The following PTPRS variants were observed in gnomAD, a reference collection of about 807,000 sequenced individuals.
The protein encoded by PTPRS is receptor-type tyrosine-protein phosphatase S.
PTPRS carries 63 observed loss-of-function variants against 215.3 expected under a neutral mutation model. That is an observed-to-expected ratio of 0.29 (90% CI 0.24 to 0.36). The LOEUF (loss-of-function observed/expected upper bound fraction) is 0.36. Ranked by LOEUF, PTPRS falls within the 10% of genes least tolerant of loss-of-function variation. The pLI is 1.00. For missense variants in PTPRS, 2,258 were observed against 2,825.8 expected (o/e 0.80, Z 4.56); for synonymous variants, 1,404 against 1,191.4 (o/e 1.18, Z -3.68).
chr19:5,226,076 TCTCTGCTCCGCTCCC>T (rs1191361214), intron 16 of PTPRS, among the ~76,000 whole-genome samples: 1 of 152,156 alleles, frequency 6.6e-6, no homozygotes, highest in Non-Finnish European at 1.5e-5. Flanking sequence ...AACTCGGTCC[TCTCTGCTCCGCTCCC>T]CTCACTCCTT....
At chr19:5,284,962 A>G (rs2048216104) in intron 2 of PTPRS, among the ~76,000 whole-genome samples, 1 of 152,114 alleles carries the variant, frequency 6.6e-6, no homozygotes, top group African/African-American at 2.4e-5. Flanking sequence ...GGAAAAAACG[A>G]CAATAAAAAA....
At chr19:5,240,397 T>C (rs1188311400) in intron 11 of PTPRS, 65 bp from the exon 12 acceptor site, 1 of 1,446,522 alleles carries the variant, frequency 6.9e-7, no homozygotes, top group East Asian at 2.6e-5. Context: ...GGGCCCCACC[T>C]GCTGAGTGTC....
chr19:5,298,557 G>C (rs1286712415), intron 1 of PTPRS, among the ~76,000 whole-genome samples: 2 of 152,206 alleles, frequency 1.3e-5, no homozygotes, highest in Non-Finnish European at 2.9e-5. Flanking sequence ...CCATGCCCAA[G>C]GCTCCCGCCT....
rs2048964913 is a variant in PTPRS, at chr19:5,293,020, G to A, written c.-94-6786C>T. 6.6e-6 allele frequency: 1 copy of A among 152,226 alleles called. No individual in the cohort carries two copies. Among genetic ancestry groups the A allele is most frequent in the Non-Finnish European group, 1.5e-5 (1 of 68,090 alleles). 9.4% of individuals were successfully genotyped at this position (152,226 alleles called of 1,614,324 possible). A position where few individuals can be genotyped will look rare whatever the true frequency, so the allele number is the denominator to read the frequency against. On this transcript the variant is annotated intron_variant, in intron 1 of 37. Coordinates refer to ENST00000262963, the MANE Select transcript of PTPRS (RefSeq NM_002850.4). The surrounding 1 kb of genome is among the most constrained non-coding windows in gnomAD (Gnocchi z 8.4). ...GAGGGCGGCCGGCACGGTCAGGCCC[G>A]CGCTGGGCTGTGGGGACCCCCGTGG...
At chr19:5,271,590 G>A (rs532101959) in intron 4 of PTPRS, among the ~76,000 whole-genome samples, 63 of 152,094 alleles carry the variant, frequency 4.1e-4, no homozygotes, top group Middle Eastern at 6.8e-3. Context: ...AGTACAGACA[G>A]GGTTTCACCA....
At chr19:5,231,289 G>A (rs749276450) in intron 14 of PTPRS, 21 bp downstream of exon 14, 24 of 1,581,094 alleles carry the variant, frequency 1.5e-5, no homozygotes, top group African/African-American at 8.0e-5. Flanking sequence ...GGGGGGTCCC[G>A]GGCCTGGGGC....
At chr19:5,212,699 T>G (rs1022232336) in intron 30 of PTPRS, among the ~76,000 whole-genome samples, 1 of 152,054 alleles carries the variant, frequency 6.6e-6, no homozygotes, top group African/African-American at 2.4e-5. Context: ...CAAAATTAGC[T>G]AGGCATGGTG....
intron 2 of PTPRS, among the ~76,000 whole-genome samples, chr19:5,281,525 G>A (rs1344140493): frequency 6.6e-6 from 1 of 152,080 alleles, no homozygotes; most frequent in Non-Finnish European, 1.5e-5. Context: ...ATTTGAACCC[G>A]GGTTTCTGCC....
At chr19:5,333,420 T>C (rs967098974) in intron 1 of PTPRS, among the ~76,000 whole-genome samples, 4 of 151,598 alleles carry the variant, frequency 2.6e-5, no homozygotes, top group Admixed American at 6.6e-5. Context: ...GGTGGGAGGA[T>C]TGCTTGAGCC....
At chr19:5,260,540 C>T (rs2045906038) in intron 7 of PTPRS, among the ~76,000 whole-genome samples, 1 of 152,178 alleles carries the variant, frequency 6.6e-6, no homozygotes, top group African/African-American at 2.4e-5. Flanking sequence ...GGGGGTCTTG[C>T]CAGGTAGGGT....
In PTPRS at chr19:5,286,150, C is replaced by A. The variant is rs768557395; in HGVS notation, c.-10G>T. 1.2e-6 allele frequency: 2 copies of A among 1,613,116 alleles called. No individual in the cohort carries two copies. The highest frequency in any genetic ancestry group is 4.5e-5 in the East Asian group (2 of 44,832). ...CCCAGGTGGGCGCCATGCTTGGCAG[C>A]GACCTCCGATCTCCGCCCTGGAGGG... On this transcript the variant is annotated 5_prime_UTR_variant, in exon 2 of 38. Coordinates refer to ENST00000262963, the MANE Select transcript of PTPRS (RefSeq NM_002850.4).
chr19:5,305,392 C>G (rs1266771423), intron 1 of PTPRS, among the ~76,000 whole-genome samples: 1 of 151,888 alleles, frequency 6.6e-6, no homozygotes, highest in Non-Finnish European at 1.5e-5. Context: ...CAAAAAAATA[C>G]AAAAATTAGC....
rs1314426063 is a variant in PTPRS, at chr19:5,222,696, C to T, written c.3096G>A (p.Arg1032=). The T allele has an allele frequency of 1.9e-6, 3 of 1,585,692 alleles. No homozygotes were observed. The highest frequency in any genetic ancestry group is 2.6e-6 in the Non-Finnish European group (3 of 1,172,256). ...GGGTCGCCGCGCGCCTACCTTGGTC[C>T]CGCAGGAACGTCCGGTAGCGGACGG... ...SPPVRYRTFL[R]DQVSPKNFKV... Residue 1032 remains arginine, a synonymous_variant, in exon 18 of 38, where the codon CGG becomes CGA. Coordinates refer to ENST00000262963, the MANE Select transcript of PTPRS (RefSeq NM_002850.4).
chr19:5,296,143 A>T (rs2049126906), intron 1 of PTPRS, among the ~76,000 whole-genome samples: 1 of 152,204 alleles, frequency 6.6e-6, no homozygotes, highest in Non-Finnish European at 1.5e-5. Context: ...ACTGACAAAG[A>T]TCCCTGCCCT....
chr19:5,212,300 G>C (rs45439595), intron 31 of PTPRS, 37 bp downstream of exon 31: 13 of 1,608,702 alleles, frequency 8.1e-6, no homozygotes, highest in East Asian at 2.2e-5. Context: ...TGCGGGGACC[G>C]GGGGGAAGCG....
chr19:5,264,251 G>C (rs1239590919), intron 5 of PTPRS, among the ~76,000 whole-genome samples: 3 of 152,088 alleles, frequency 2.0e-5, no homozygotes, highest in Non-Finnish European at 2.9e-5. Flanking sequence ...CTGGACACCT[G>C]CCATTGCCTT....
chr19:5,308,396 G>C (rs1334493717), intron 1 of PTPRS, among the ~76,000 whole-genome samples: 1 of 152,182 alleles, frequency 6.6e-6, no homozygotes, highest in Non-Finnish European at 1.5e-5. Context: ...TAAGGGCAAG[G>C]ATTGTCTGCA....
In PTPRS at chr19:5,259,605, CTT is replaced by C. The variant is rs146724595; in HGVS notation, c.595+1198_595+1199del. 4.1e-3 allele frequency among the ~76,000 whole-genome samples: 622 copies of C among 152,160 alleles called. 6 individuals carry two copies. The highest frequency in any genetic ancestry group is 0.014 in the African/African-American group (593 of 41,518). ...TCCTTATTTTCATAAGTAAATAAAACTTAGTGTAACATATCTAAGTATGTTTG... is the reference window on the plus strand; with the variant it reads ...TCCTTATTTTCATAAGTAAATAAAACAGTGTAACATATCTAAGTATGTTTG... On this transcript the variant is annotated intron_variant, in intron 7 of 37. Coordinates refer to ENST00000262963, the MANE Select transcript of PTPRS (RefSeq NM_002850.4).
chr19:5,218,205 A>AG (rs1480108376), intron 25 of PTPRS, among the ~76,000 whole-genome samples: 1 of 151,850 alleles, frequency 6.6e-6, no homozygotes, highest in African/African-American at 2.4e-5. Context: ...TTAACTTTAA[A>AG]AAAAAAAAAG....
Sources: gnomAD v4.1 joint callset for allele counts (sites outside exome capture counted in the v4.1 genomes callset) on GRCh38, gnomAD v4.1.1 for gene constraint, Gnocchi (gnomAD v3.1) non-coding constraint, MANE v1.5 for transcripts, NCBI Gene and HGNC (gene_info 2026-07-23, HGNC 2026-07-21) for gene names.